SHISA9: variants seen among roughly 807,000 people sequenced by gnomAD.
SHISA9 encodes the protein shisa family member 9, also known as protein shisa-9.
A neutral mutation model predicts 38.0 loss-of-function variants in SHISA9; 13 were observed. The observed-to-expected ratio is 0.34, with a 90% CI of 0.22 to 0.54. The LOEUF is 0.54. Ranked by LOEUF, SHISA9 falls within the 20% of genes least tolerant of loss-of-function variation. SHISA9 has a pLI of 0.91. For synonymous variants in SHISA9, 275 were observed against 242.0 expected, an observed-to-expected ratio of 1.14 and a Z score of -1.27; for missense variants, 538 against 575.8, an observed-to-expected ratio of 0.93 and a Z score of 0.67.
chr16:13,550,193 G>C, the SHISA9 span, among the ~76,000 whole-genome samples: 1 of 152,110 alleles, frequency 6.6e-6, no homozygotes, highest in Non-Finnish European at 1.5e-5. Context: ...GGCTGGACTA[G>C]ATGGGATGAG....
At chr16:13,290,826 C>A in the SHISA9 span, among the ~76,000 whole-genome samples, 1 of 152,114 alleles carries the variant, frequency 6.6e-6, no homozygotes, top group Non-Finnish European at 1.5e-5. Flanking sequence ...GCTCATCACA[C>A]AGATGAAGGA....
the SHISA9 span, among the ~76,000 whole-genome samples, chr16:13,554,708 T>G: frequency 6.8e-4 from 104 of 152,272 alleles, 2 homozygotes; most frequent in East Asian, 0.017. Flanking sequence ...GTCAGGCTGG[T>G]CTCGAACTCC....
chr16:12,936,298 G>A (rs1283231535), intron 2 of SHISA9, among the ~76,000 whole-genome samples: 2 of 152,162 alleles, frequency 1.3e-5, no homozygotes, highest in African/African-American at 2.4e-5. Flanking sequence ...GGATACTTGA[G>A]CAGTTGGGAT....
At chr16:13,382,922 GAATC>G in the SHISA9 span, among the ~76,000 whole-genome samples, 2 of 152,196 alleles carry the variant, frequency 1.3e-5, no homozygotes, top group African/African-American at 4.8e-5. Flanking sequence ...ATAAGAAAAA[GAATC>G]AAGCAATATG....
intron 2 of SHISA9, among the ~76,000 whole-genome samples, chr16:13,074,792 G>C (rs2073562245): frequency 6.6e-6 from 1 of 151,358 alleles, no homozygotes; most frequent in Non-Finnish European, 1.5e-5. Context: ...AGCCTCCCGA[G>C]CAGCTGGGAT....
At chr16:12,916,077 G>C (rs1432614912) in intron 1 of SHISA9, among the ~76,000 whole-genome samples, 1 of 120,312 alleles carries the variant, frequency 8.3e-6, no homozygotes, top group East Asian at 2.9e-4. Context: ...AGGTTGAATT[G>C]TGTCTCCATC....
At chr16:13,385,345 A>C in the SHISA9 span, among the ~76,000 whole-genome samples, 8 of 152,396 alleles carry the variant, frequency 5.2e-5, no homozygotes, top group East Asian at 1.9e-4. Flanking sequence ...CTTTACAGGA[A>C]TGCTTATAGC....
Position 12,902,427 on chromosome 16 carries a change from C to T in SHISA9, c.363C>T (p.Thr121=), listed in dbSNP as rs556889829. 1.3e-4 allele frequency: 208 copies of T among 1,551,362 alleles called. 2 individuals carry two copies. In the South Asian group the frequency reaches 2.2e-3, roughly 16 times the overall value. The change falls in exon 1 of 5, where the codon ACC becomes ACT. Residue 121 remains threonine, a synonymous_variant. Transcript: ENST00000558583. ...GGCGACTGAACCAAAGCACCTGCAC[C>T]AACTACGACACGCCGCTCTGGCTCA... ...KKRRLNQSTC[T]NYDTPLWLNT...
intron 4 of SHISA9, among the ~76,000 whole-genome samples, chr16:13,233,367 G>A (rs2051350744): frequency 6.6e-6 from 1 of 152,160 alleles, no homozygotes; most frequent in South Asian, 2.1e-4. Context: ...GTTAAATTGA[G>A]TGGAAATTGG....
At chr16:13,171,842 T>G (rs1183370140) in intron 2 of SHISA9, among the ~76,000 whole-genome samples, 3 of 152,198 alleles carry the variant, frequency 2.0e-5, no homozygotes, top group African/African-American at 7.2e-5. Flanking sequence ...ATGCATATGA[T>G]AAAATTGCAA....
At chr16:13,023,845 C>T (rs2072887792) in intron 2 of SHISA9, among the ~76,000 whole-genome samples, 1 of 152,078 alleles carries the variant, frequency 6.6e-6, no homozygotes, top group African/African-American at 2.4e-5. Flanking sequence ...AGGTCACATT[C>T]ATAGGTTCTG....
the SHISA9 span, among the ~76,000 whole-genome samples, chr16:13,473,240 A>G: frequency 1.3e-5 from 2 of 151,976 alleles, no homozygotes; most frequent in East Asian, 1.9e-4. Flanking sequence ...GCTATTTTCC[A>G]TTACCAAGGC....
At chr16:13,472,856 G>A in the SHISA9 span, among the ~76,000 whole-genome samples, 1 of 152,032 alleles carries the variant, frequency 6.6e-6, no homozygotes, top group African/African-American at 2.4e-5. Flanking sequence ...GAATGTCCAT[G>A]TCTTTTTACT....
At chr16:13,428,773 G>GTTTTTTTT in the SHISA9 span, among the ~76,000 whole-genome samples, 2 of 145,330 alleles carry the variant, frequency 1.4e-5, no homozygotes, top group Non-Finnish European at 1.5e-5. Context: ...TTGTTTTATT[G>GTTTTTTTT]TTTTTTTTTT....
the SHISA9 span, among the ~76,000 whole-genome samples, chr16:13,269,339 A>T: frequency 6.6e-6 from 1 of 152,234 alleles, no homozygotes; most frequent in Non-Finnish European, 1.5e-5. Context: ...TACTTTCTGC[A>T]TATGTAAAAT....
At chr16:13,085,278 A>G (rs2073697994) in intron 2 of SHISA9, among the ~76,000 whole-genome samples, 2 of 152,112 alleles carry the variant, frequency 1.3e-5, no homozygotes, top group African/African-American at 2.4e-5. Context: ...CGATACCTAT[A>G]CTCCAAAAGA....
intron 2 of SHISA9, among the ~76,000 whole-genome samples, chr16:13,114,398 G>A (rs985929100): frequency 2.7e-5 from 4 of 150,254 alleles, no homozygotes; most frequent in East Asian, 2.0e-4. Context: ...CCCAGTAGGC[G>A]GAGCTTGCAG....
At chr16:13,105,549 ATTAGACTGG>A (rs1306400761) in intron 2 of SHISA9, among the ~76,000 whole-genome samples, 1 of 152,224 alleles carries the variant, frequency 6.6e-6, no homozygotes, top group African/African-American at 2.4e-5. Context: ...CAGCCTCCCA[ATTAGACTGG>A]TTGTGGGGAG....
chr16:13,060,659 A>AAACAAC (rs1555458356), intron 2 of SHISA9, among the ~76,000 whole-genome samples: 1 of 128,892 alleles, frequency 7.8e-6, no homozygotes, highest in Admixed American at 8.1e-5. Flanking sequence ...AAAAAAAAAA[A>AAACAAC]AACACTCAAA....
Sources: gnomAD v4.1 joint callset for allele counts (sites outside exome capture counted in the v4.1 genomes callset) on GRCh38, gnomAD v4.1.1 for gene constraint, MANE v1.5 for transcripts, NCBI Gene and HGNC (gene_info 2026-07-23, HGNC 2026-07-21) for gene names.